The following TYW1 variants were observed in gnomAD, a reference collection of about 807,000 sequenced individuals.
TYW1 encodes S-adenosyl-L-methionine-dependent tRNA 4-demethylwyosine synthase TYW1.
In TYW1, 46 loss-of-function variants were observed where a neutral mutation model predicts 96.2. The ratio of observed to expected loss-of-function variants is 0.48; its 90% CI spans 0.38 to 0.61. The LOEUF is 0.61. Among genes scored for constraint, TYW1 ranks in the 20% least tolerant of loss-of-function variants. TYW1 has a pLI of 0.00. For missense variants in TYW1, 684 were observed against 909.6 expected (o/e 0.75, Z 3.19); for synonymous variants, 274 against 323.0 (o/e 0.85, Z 1.63).
At chr7:67,225,238 G>A (rs6952206) in intron 15 of TYW1, among the ~76,000 whole-genome samples, 39,984 of 148,472 alleles carry the variant, frequency 0.27, 5,706 homozygotes, top group African/African-American at 0.36. Flanking sequence ...CCAAGGGCAA[G>A]TAGGACACGA....
intron 9 of TYW1, 95 bp from the exon 10 acceptor site, chr7:67,067,190 C>G (rs1276939073): frequency 7.3e-7 from 1 of 1,371,440 alleles, no homozygotes; most frequent in Non-Finnish European, 1.0e-6. Flanking sequence ...TTCATGGTTA[C>G]GAAACACATG....
intron 9 of TYW1, among the ~76,000 whole-genome samples, chr7:67,056,840 T>G (rs1487670749): frequency 6.6e-6 from 1 of 152,168 alleles, no homozygotes; most frequent in Non-Finnish European, 1.5e-5. Flanking sequence ...ATATTTAACT[T>G]TAGAAGAAAC....
chr7:67,106,593 T>C (rs957619558), intron 12 of TYW1, among the ~76,000 whole-genome samples: 1 of 152,192 alleles, frequency 6.6e-6, no homozygotes, highest in African/African-American at 2.4e-5. Context: ...TGTTCTTATC[T>C]TGTGGACATT....
rs1402318286 is a variant in TYW1 at position 67,048,330 on chromosome 7, C to A, written c.985-1619C>A. Among the ~76,000 whole-genome samples the A allele has an allele frequency of 5.3e-5, 8 of 150,832 alleles. No homozygotes were observed. In the East Asian group the frequency reaches 9.7e-4, roughly 18 times the overall value. ...ACTTATTCACCTGGGGGCTGGATGG[C>A]TGGACATTTAAAATAGACAGGGACC... On this transcript the variant is annotated intron_variant, in intron 7 of 15. Coordinates refer to ENST00000359626, the MANE Select transcript of TYW1 (RefSeq NM_018264.4).
At chr7:67,101,777 C>T (rs539345611) in intron 12 of TYW1, among the ~76,000 whole-genome samples, 2 of 152,032 alleles carry the variant, frequency 1.3e-5, no homozygotes, top group Non-Finnish European at 2.9e-5. Flanking sequence ...GGATTACAGG[C>T]GTGAACCACC....
chr7:67,147,067 G>T (rs1279727827), intron 13 of TYW1, among the ~76,000 whole-genome samples: 1 of 152,206 alleles, frequency 6.6e-6, no homozygotes, highest in Non-Finnish European at 1.5e-5. Context: ...CCCCTTGCTA[G>T]AGGGAGACTG....
chr7:67,088,736 T>A (rs562159277), intron 11 of TYW1, among the ~76,000 whole-genome samples: 2 of 152,164 alleles, frequency 1.3e-5, no homozygotes, highest in South Asian at 2.1e-4. Flanking sequence ...GCTAATATTT[T>A]AAAAAACATT....
chr7:67,032,885 CTTTT>C (rs778743156), intron 7 of TYW1, among the ~76,000 whole-genome samples: 74 of 76,240 alleles, frequency 9.7e-4, no homozygotes, highest in East Asian at 2.2e-3. Context: ...AGAAGTATAC[CTTTT>C]TTTTTTTTTT....
At chr7:67,127,885 G>T (rs113526920) in intron 13 of TYW1, among the ~76,000 whole-genome samples, 4,416 of 152,100 alleles carry the variant, frequency 0.029, 104 homozygotes, top group Admixed American at 0.047. Flanking sequence ...CCGTCTCCTT[G>T]CTTGCATGCT....
At chr7:67,211,794 C>T (rs557464527) in intron 15 of TYW1, among the ~76,000 whole-genome samples, 147 of 152,298 alleles carry the variant, frequency 9.7e-4, no homozygotes, top group Admixed American at 2.1e-3. Flanking sequence ...TGGAGCACAG[C>T]GCTATGTGCA....
chr7:67,149,459 C>A (rs2116156169), intron 13 of TYW1, among the ~76,000 whole-genome samples: 1 of 152,242 alleles, frequency 6.6e-6, no homozygotes, highest in East Asian at 1.9e-4. Flanking sequence ...TGCCACTTTC[C>A]TAGGAATAAA....
chr7:67,189,407 G>GTA (rs1800135272), intron 14 of TYW1, among the ~76,000 whole-genome samples: 1 of 150,670 alleles, frequency 6.6e-6, no homozygotes, highest in Admixed American at 6.6e-5. Flanking sequence ...GTGTGCGTGT[G>GTA]TTGTGTGTAT....
chr7:67,215,178 G>C (rs1420569549), intron 15 of TYW1, among the ~76,000 whole-genome samples: 1 of 150,828 alleles, frequency 6.6e-6, no homozygotes. Flanking sequence ...CTGTCTGTCT[G>C]TCTTCCTCCA....
At chr7:67,151,555 C>A (rs1352262683) in intron 13 of TYW1, among the ~76,000 whole-genome samples, 1 of 152,020 alleles carries the variant, frequency 6.6e-6, no homozygotes, top group Non-Finnish European at 1.5e-5. Context: ...TCATTTAAAT[C>A]TTCACAGTTA....
chr7:67,164,661 T>G (rs1297889223), intron 13 of TYW1, among the ~76,000 whole-genome samples: 1 of 146,666 alleles, frequency 6.8e-6, no homozygotes, highest in Admixed American at 6.8e-5. Flanking sequence ...TCTAAAACAG[T>G]TATTCTCAAT....
At chr7:67,079,169 GA>G (rs199885527) in intron 10 of TYW1, among the ~76,000 whole-genome samples, 35,766 of 109,952 alleles carry the variant, frequency 0.33, 4,394 homozygotes, top group South Asian at 0.4. Flanking sequence ...ATTCGTGTGA[GA>G]GGTGTGTGTG....
At chr7:67,034,594 A>G (rs143746200) in intron 7 of TYW1, among the ~76,000 whole-genome samples, 29 of 152,234 alleles carry the variant, frequency 1.9e-4, no homozygotes, top group African/African-American at 6.7e-4. Flanking sequence ...GGCTACACAA[A>G]TGGGATCATT....
chr7:67,018,934 C>T (rs1349330074), intron 6 of TYW1, among the ~76,000 whole-genome samples: 7 of 134,754 alleles, frequency 5.2e-5, no homozygotes, highest in Non-Finnish European at 1.1e-4. Flanking sequence ...CCAGCCCGGG[C>T]GACAGAGTGA....
Position 67,195,221 on chromosome 7 carries a change from G to A in TYW1, c.1861G>A (p.Val621Met), listed in dbSNP as rs567807174. Residue 621 changes from valine (V) to methionine (M), a missense_variant, in exon 15 of 16, where the codon GTG becomes ATG. Coordinates refer to ENST00000359626, the MANE Select transcript of TYW1 (RefSeq NM_018264.4). ...SSASSLTMAH[V>M]PWHEEVVQFV... ...AGCAAGCAGTCTTACCATGGCCCAC[G>A]TGCCCTGGCATGAGGAAGTGGTACA... The A allele has an allele frequency of 5.6e-6, 9 of 1,613,728 alleles. No individual in the cohort carries two copies. The highest frequency in any genetic ancestry group is 4.4e-5 in the South Asian group (4 of 91,058).
Sources: gnomAD v4.1 joint callset for allele counts (sites outside exome capture counted in the v4.1 genomes callset) on GRCh38, gnomAD v4.1.1 for gene constraint, MANE v1.5 for transcripts, NCBI Gene and HGNC (gene_info 2026-07-23, HGNC 2026-07-21) for gene names.